Variants in TRABD2B observed in about 807,000 individuals in gnomAD.
TRABD2B encodes TraB domain containing 2B, also known as metalloprotease TIKI2.
TRABD2B carries 14 observed loss-of-function variants against 40.1 expected under a neutral mutation model. The ratio of observed to expected loss-of-function variants is 0.35; its 90% CI spans 0.23 to 0.55. TRABD2B has a LOEUF of 0.55. Among genes scored for constraint, TRABD2B ranks in the 20% least tolerant of loss-of-function variants. The pLI is 0.90. For missense variants in TRABD2B, 541 were observed against 648.6 expected, an observed-to-expected ratio of 0.83 and a Z score of 1.80; for synonymous variants, 263 against 277.0, an observed-to-expected ratio of 0.95 and a Z score of 0.50.
At chr1:47,874,733 A>AAT (rs544355935) in intron 2 of TRABD2B, among the ~76,000 whole-genome samples, 9,740 of 147,548 alleles carry the variant, frequency 0.066, 520 homozygotes, top group Admixed American at 0.18. Context: ...AGGCCTGGCT[A>AAT]ATATATATAT....
At chr1:47,922,738 A>G (rs746213504) in intron 2 of TRABD2B, among the ~76,000 whole-genome samples, 14 of 152,106 alleles carry the variant, frequency 9.2e-5, no homozygotes, top group Non-Finnish European at 1.9e-4. Context: ...TCTTCTGTTC[A>G]TCTCCACAGC....
intron 2 of TRABD2B, among the ~76,000 whole-genome samples, chr1:47,850,036 T>A (rs1645526366): frequency 6.6e-6 from 1 of 152,192 alleles, no homozygotes; most frequent in South Asian, 2.1e-4. Flanking sequence ...CTGCCTTGGG[T>A]CTTCGAGCTA....
chr1:47,921,047 C>G (rs1192321317), intron 2 of TRABD2B, among the ~76,000 whole-genome samples: 3 of 152,200 alleles, frequency 2.0e-5, no homozygotes, highest in Admixed American at 1.3e-4. Context: ...GAGGTTTGCA[C>G]TCTCAACTTG....
At chr1:47,894,966 G>T (rs755193374) in intron 2 of TRABD2B, among the ~76,000 whole-genome samples, 8 of 152,114 alleles carry the variant, frequency 5.3e-5, no homozygotes, top group South Asian at 2.1e-4. Context: ...ACAAGGGCAG[G>T]AGCCTCCTGC....
chr1:47,794,800 T>G (rs1388598405), intron 3 of TRABD2B, 40 bp from the exon 4 acceptor site: 12 of 1,454,908 alleles, frequency 8.2e-6, no homozygotes, highest in African/African-American at 1.4e-5. Flanking sequence ...GTTTTTTTTT[T>G]TTTTTTTTTT....
In TRABD2B at chr1:47,996,806, G is replaced by A. The variant is rs1365841859; in HGVS notation, c.-17C>T. 23 of 1,186,498 alleles carry A rather than the reference G, an allele frequency of 1.9e-5. No homozygotes were observed. The highest frequency in any genetic ancestry group is 2.3e-5 in the Non-Finnish European group (22 of 958,698). 73.5% of individuals were successfully genotyped at this position (1,186,498 alleles called of 1,614,324 possible). ...GGCGTGCATCCTGCCAGGGCCCGCG[G>A]GGCGCGGGGGACCCTCCTGGGCGGC... is the stretch of plus-strand genomic sequence containing the variant. On this transcript the variant is annotated 5_prime_UTR_variant, in exon 1 of 7. Coordinates refer to ENST00000606738, the MANE Select transcript of TRABD2B (RefSeq NM_001194986.2). The surrounding 1 kb of genome is among the most constrained non-coding windows in gnomAD (Gnocchi z 4.6).
At chr1:47,812,262 C>T (rs1356899613) in intron 2 of TRABD2B, among the ~76,000 whole-genome samples, 2 of 152,196 alleles carry the variant, frequency 1.3e-5, no homozygotes, top group Non-Finnish European at 2.9e-5. Context: ...CTTTGAGCAA[C>T]TTCAAGGTGA....
Position 47,997,215 on chromosome 1 carries a change from G to A in TRABD2B, c.-426C>T, listed in dbSNP as rs1007617168. On this transcript the variant is annotated 5_prime_UTR_variant, in exon 1 of 7. Transcript: ENST00000606738. Reference sequence around the variant, plus strand: ...CGCAAGGGTCCCAGGGGTGCGCGGCGCTCCAGGAGGCGCGCAGTGGGACAA... The same window carrying A: ...CGCAAGGGTCCCAGGGGTGCGCGGCACTCCAGGAGGCGCGCAGTGGGACAA... 2.0e-6 allele frequency: 2 copies of A among 982,868 alleles called. No individual in the cohort carries two copies. Among genetic ancestry groups the A allele is most frequent in the African/African-American group, 3.5e-5 (2 of 56,518 alleles). The allele number at this position is 982,868 out of a possible 1,614,324, so 60.9% of individuals were successfully genotyped here.
At chr1:47,832,479 T>G (rs1281995527) in intron 2 of TRABD2B, among the ~76,000 whole-genome samples, 1 of 152,136 alleles carries the variant, frequency 6.6e-6, no homozygotes, top group Non-Finnish European at 1.5e-5. Flanking sequence ...TTTAAATGCA[T>G]GGGACTAGCA....
rs774023052 is a variant in TRABD2B at position 47,990,111 on chromosome 1, A to G, written c.666+3923T>C. ...AAGTGAGGGACTTGTAGAATTTTAC[A>G]AACATTTTGCACACCTTTGGCAGGC... On this transcript the variant is annotated intron_variant, in intron 2 of 6. Transcript: ENST00000606738. 2.6e-4 allele frequency among the ~76,000 whole-genome samples: 39 copies of G among 152,358 alleles called. 1 individual carries two copies. The highest frequency in any genetic ancestry group is 4.9e-4 in the Non-Finnish European group (33 of 68,036).
chr1:47,995,822 C>G (rs1375893707), intron 1 of TRABD2B, among the ~76,000 whole-genome samples: 1 of 152,168 alleles, frequency 6.6e-6, no homozygotes, highest in African/African-American at 2.4e-5. Context: ...AGTCAGCCAA[C>G]GAGCTCCCTG....
chr1:47,774,265 G>A (rs944829469), intron 6 of TRABD2B, among the ~76,000 whole-genome samples: 16 of 152,158 alleles, frequency 1.1e-4, no homozygotes, highest in Admixed American at 6.5e-5. Context: ...GGTCCAGATG[G>A]AGAGTCTAAG....
chr1:47,829,935 C>T (rs1182917863), intron 2 of TRABD2B, among the ~76,000 whole-genome samples: 1 of 152,202 alleles, frequency 6.6e-6, no homozygotes, highest in Non-Finnish European at 1.5e-5. Context: ...TACTGGGCTT[C>T]TTTGTGTCAG....
chr1:47,907,422 T>C (rs1000950799), intron 2 of TRABD2B, among the ~76,000 whole-genome samples: 3 of 152,182 alleles, frequency 2.0e-5, no homozygotes, highest in Non-Finnish European at 4.4e-5. Context: ...AGAAAGTATT[T>C]GAGTATCTAT....
chr1:47,933,334 G>A (rs965282408), intron 2 of TRABD2B, among the ~76,000 whole-genome samples: 28 of 151,664 alleles, frequency 1.8e-4, no homozygotes, highest in Middle Eastern at 3.4e-3. Context: ...GGATGATCTC[G>A]ATCTCCTGAC....
chr1:47,842,859 A>G (rs1317909614), intron 2 of TRABD2B, among the ~76,000 whole-genome samples: 2 of 152,146 alleles, frequency 1.3e-5, no homozygotes, highest in Non-Finnish European at 2.9e-5. Context: ...GGACAAACAT[A>G]AAGCAAAGTA....
At chr1:47,822,052 T>C (rs1645117562) in intron 2 of TRABD2B, among the ~76,000 whole-genome samples, 1 of 152,102 alleles carries the variant, frequency 6.6e-6, no homozygotes, top group Non-Finnish European at 1.5e-5. Flanking sequence ...GTCATATTCA[T>C]ACTCTAAAAC....
At chr1:47,879,181 C>T (rs1410128669) in intron 2 of TRABD2B, among the ~76,000 whole-genome samples, 1 of 151,846 alleles carries the variant, frequency 6.6e-6, no homozygotes, top group Non-Finnish European at 1.5e-5. Flanking sequence ...AAAAAGTATT[C>T]ACCAGTATAT....
Position 47,994,220 on chromosome 1 carries a change from G to C in TRABD2B, c.480C>G (p.Arg160=), listed in dbSNP as rs1005107830. 2.2e-5 allele frequency: 34 copies of C among 1,546,524 alleles called. No individual in the cohort carries two copies. The highest frequency in any genetic ancestry group is 2.6e-5 in the Non-Finnish European group (30 of 1,151,894). ...TGAGCATCACCCAGACGGGCCTCTT[G>C]CGCTCCCAGTTGCCCGCGATGGCAT... is the stretch of plus-strand genomic sequence containing the variant. ...LFNAIAGNWE[R]KRPVWVMLMV... is the part of the protein sequence containing the mutation. The change falls in exon 2 of 7, where the codon CGC becomes CGG. Residue 160 remains arginine (R), a synonymous_variant. Transcript: ENST00000606738. The surrounding 1 kb of genome is among the most constrained non-coding windows in gnomAD (Gnocchi z 6.7).
Sources: allele counts gnomAD v4.1 joint callset (sites outside exome capture counted in the v4.1 genomes callset), GRCh38; gene constraint gnomAD v4.1.1; non-coding constraint Gnocchi (gnomAD v3.1); transcripts MANE v1.5; gene names NCBI Gene and HGNC (gene_info 2026-07-23, HGNC 2026-07-21).